Variants in APOL3 observed in about 807,000 individuals in gnomAD.
The protein encoded by APOL3 is apolipoprotein L3, also known as TNF-inducible protein CG12-1.
APOL3 carries 14 observed loss-of-function variants against 11.6 expected under a neutral mutation model. The observed-to-expected ratio is 1.21, with a 90% CI of 0.80 to 1.89. APOL3 has a LOEUF of 1.89. Ranked by LOEUF, APOL3 falls within the 40% of genes most tolerant of loss-of-function variation. The pLI is 0.00. For synonymous variants in APOL3, 192 were observed against 190.6 expected (o/e 1.01, Z -0.06); for missense variants, 483 against 492.1 (o/e 0.98, Z 0.17).
exon 3 of APOL3, chr22:36,141,522 C>A (rs757180712): frequency 6.2e-7 from 1 of 1,614,136 alleles, no homozygotes; most frequent in Non-Finnish European, 8.5e-7. Context: ...CCTGATGGCA[C>A]GGATTTCACT....
At chr22:36,146,531 TG>T (rs1033902039) in intron 1 of APOL3, 87 of 151,978 alleles carry the variant, frequency 5.7e-4, no homozygotes, top group African/African-American at 1.8e-3. Flanking sequence ...AGTATTCTTT[TG>T]TAAGATATTT....
intron 1 of APOL3, among the ~76,000 whole-genome samples, chr22:36,150,683 A>G (rs1050215973): frequency 2.0e-5 from 3 of 152,228 alleles, no homozygotes; most frequent in African/African-American, 4.8e-5. Flanking sequence ...ATGCTGGCCA[A>G]CATAGTGAAA....
intron 1 of APOL3, chr22:36,146,097 G>A (rs2060208115): frequency 6.6e-6 from 1 of 152,372 alleles, no homozygotes; most frequent in Admixed American, 6.6e-5. Context: ...TGTAAGCCAG[G>A]AGCAGAGCCC....
chr22:36,141,289 C>G, exon 3 of APOL3: 1 of 1,614,186 alleles, frequency 6.2e-7, no homozygotes, highest in Non-Finnish European at 8.5e-7. Context: ...CGCCTCAGCT[C>G]CTCAGCAGAT....
chr22:36,141,473 C>G, exon 3 of APOL3: 1 of 1,614,172 alleles, frequency 6.2e-7, no homozygotes, highest in East Asian at 2.2e-5. Flanking sequence ...CTGAGATTCG[C>G]CAGGTGGTCA....
Position 36,142,068 on chromosome 22 carries a change from T to A in APOL3, c.351-10A>T. The A allele has an allele frequency of 1.3e-6, 2 of 1,589,886 alleles. No individual in the cohort carries two copies. Among genetic ancestry groups the A allele is most frequent in the Non-Finnish European group, 1.7e-6 (2 of 1,168,768 alleles). On this transcript the variant is annotated splice_polypyrimidine_tract_variant and intron_variant, in intron 2 of 2. Coordinates refer to ENST00000349314, the Ensembl canonical transcript of APOL3. Reference sequence around the variant, plus strand: ...AGCATCTGCCTCATCCCTGTACCAATAAAGGACAGATGATTAAGAAAGGCA... The same window carrying A: ...AGCATCTGCCTCATCCCTGTACCAAAAAAGGACAGATGATTAAGAAAGGCA...
intron 1 of APOL3, among the ~76,000 whole-genome samples, chr22:36,147,077 G>A (rs1469369296): frequency 6.6e-6 from 1 of 152,122 alleles, no homozygotes; most frequent in Non-Finnish European, 1.5e-5. Flanking sequence ...CAAGGCCAGC[G>A]TTCCCTTGCC....
intron 1 of APOL3, among the ~76,000 whole-genome samples, chr22:36,151,236 ACTGCCAGTGGAC>A (rs1022115651): frequency 2.0e-4 from 31 of 152,250 alleles, no homozygotes; most frequent in African/African-American, 7.5e-4. Flanking sequence ...TACAGGGAAG[ACTGCCAGTGGAC>A]CTGCCCCTTT....
chr22:36,165,189 G>A (rs532715563), upstream of APOL3: 1 of 151,028 alleles, frequency 6.6e-6, no homozygotes, highest in African/African-American at 2.5e-5. Flanking sequence ...GTATTGGCAC[G>A]GGAACTGGAG....
chr22:36,147,981 C>T (rs73421504), intron 1 of APOL3, among the ~76,000 whole-genome samples: 9,187 of 152,264 alleles, frequency 0.06, 915 homozygotes, highest in African/African-American at 0.21. Flanking sequence ...GACGGGTACA[C>T]GACTAGGAAT....
chr22:36,160,466 C>G (rs555965451), intron 1 of APOL3, among the ~76,000 whole-genome samples: 34 of 152,324 alleles, frequency 2.2e-4, no homozygotes, highest in African/African-American at 7.9e-4. Context: ...GCCTCTGTCT[C>G]TACTGTTTGG....
intron 1 of APOL3, chr22:36,150,012 T>C (rs1348383807): frequency 2.3e-6 from 1 of 426,316 alleles, no homozygotes; most frequent in Non-Finnish European, 4.7e-6. Flanking sequence ...GATCTTGCTT[T>C]GTTGCCCAGA....
chr22:36,152,147 A>G (rs2011824662), intron 1 of APOL3, among the ~76,000 whole-genome samples: 1 of 152,170 alleles, frequency 6.6e-6, no homozygotes, highest in Admixed American at 6.5e-5. Context: ...AGGATAGAAT[A>G]AGAAGGAAAG....
At chr22:36,145,328 T>C in intron 2 of APOL3, 145 bp downstream of exon 3, 1 of 1,058,170 alleles carries the variant, frequency 9.5e-7, no homozygotes, top group Non-Finnish European at 1.3e-6. Context: ...GAGGAAATAT[T>C]CCTCCTGGAC....
chr22:36,149,037 C>T lies in APOL3; in HGVS notation c.224-3438G>A, dbSNP rs1265311128. The T allele has an allele frequency of 2.2e-6, 3 of 1,368,372 alleles. No homozygotes were observed. In the East Asian group the frequency reaches 1.4e-4, roughly 62 times the overall value. 84.8% of individuals were successfully genotyped at this position (1,368,372 alleles called of 1,614,324 possible). On this transcript the variant is annotated intron_variant, in intron 1 of 2. Coordinates refer to ENST00000349314, the Ensembl canonical transcript of APOL3. ...GAACCAGCCAGGGAAGAGGAAGAAG[C>T]AAGCCTACCTGAGTCCATGGTGCCA... is the stretch of plus-strand genomic sequence containing the variant.
chr22:36,145,242 A>C (rs1008695042), intron 2 of APOL3, among the ~76,000 whole-genome samples: 8 of 152,186 alleles, frequency 5.3e-5, no homozygotes, highest in Non-Finnish European at 1.0e-4. Context: ...TCACCAGTAG[A>C]TGGCAGAACT....
At chr22:36,162,009 TGGC>T (rs143146340), upstream of APOL3, among the ~76,000 whole-genome samples, 5 of 152,160 alleles carry the variant, frequency 3.3e-5, no homozygotes, top group Non-Finnish European at 7.3e-5. Context: ...GGAAACCTTC[TGGC>T]GGCGGGTGCA....
rs2059962000 is a variant in APOL3 at position 36,140,957 on chromosome 22, C to T, written c.*243G>A. 7.5e-6 allele frequency: 4 copies of T among 531,900 alleles called. No homozygotes were observed. In the East Asian group the frequency reaches 1.2e-4, roughly 17 times the overall value. The allele number at this position is 531,900 out of a possible 1,614,324, so 32.9% of individuals were successfully genotyped here. A position where few individuals can be genotyped will look rare whatever the true frequency, so the allele number is the denominator to read the frequency against. Reference sequence around the variant, plus strand: ...CTAAAGGAAATTTCTTCTTCCTATTCCCCACACTCTCCAGTCCCCTCTCCT... The same window carrying T: ...CTAAAGGAAATTTCTTCTTCCTATTTCCCACACTCTCCAGTCCCCTCTCCT... On this transcript the variant is annotated 3_prime_UTR_variant, in exon 3 of 3. Transcript: ENST00000349314.
rs373967437 is a variant in APOL3, at chr22:36,145,442, C to T, written c.350+31G>A. ...GGAGATCAGGATGGCATAGCCGGGG[C>T]GCCCCATGGAGGTAACCCCACGGAG... is the stretch of plus-strand genomic sequence containing the variant. On this transcript the variant is annotated intron_variant, in intron 2 of 2. Transcript: ENST00000349314. 3.0e-5 allele frequency: 49 copies of T among 1,610,024 alleles called. No homozygotes were observed. The South Asian group carries it at 3.5e-4, about 12-fold the overall frequency.
Sources: allele counts gnomAD v4.1 joint callset (sites outside exome capture counted in the v4.1 genomes callset), GRCh38; gene constraint gnomAD v4.1.1; transcripts MANE v1.5; gene names NCBI Gene and HGNC (gene_info 2026-07-23, HGNC 2026-07-21).